Variants in EXOC2 observed in about 807,000 individuals in gnomAD.
The protein encoded by EXOC2 is SEC5-like 1.
A neutral mutation model predicts 131.8 loss-of-function variants in EXOC2; 70 were observed. The observed-to-expected ratio is 0.53, with a 90% CI of 0.44 to 0.65. The LOEUF is 0.65. Ranked by LOEUF, EXOC2 falls within the 30% of genes least tolerant of loss-of-function variation. The pLI, the probability that EXOC2 is intolerant of heterozygous loss-of-function variation, is 0.00. For synonymous variants in EXOC2, 411 were observed against 398.4 expected, an observed-to-expected ratio of 1.03 and a Z score of -0.38; for missense variants, 923 against 1,108.6, an observed-to-expected ratio of 0.83 and a Z score of 2.38.
At chr6:525,814 GGAAA>G (rs559760075) in intron 23 of EXOC2, among the ~76,000 whole-genome samples, 93 of 152,112 alleles carry the variant, frequency 6.1e-4, no homozygotes, top group African/African-American at 2.1e-3. Flanking sequence ...ATAAAAATGA[GGAAA>G]GAATGAATGC....
intron 23 of EXOC2, among the ~76,000 whole-genome samples, chr6:526,368 G>A (rs1765737825): frequency 6.7e-6 from 1 of 148,988 alleles, no homozygotes; most frequent in African/African-American, 2.5e-5. Flanking sequence ...GGCCATATTA[G>A]TTATTTTGTG....
At chr6:638,230 T>C (rs970417667) in intron 1 of EXOC2, among the ~76,000 whole-genome samples, 6 of 152,210 alleles carry the variant, frequency 3.9e-5, no homozygotes, top group Non-Finnish European at 7.3e-5. Flanking sequence ...TTAAAGGAGA[T>C]ATTCTGATTA....
chr6:659,233 T>C (rs1763301959), intron 1 of EXOC2, among the ~76,000 whole-genome samples: 1 of 152,244 alleles, frequency 6.6e-6, no homozygotes, highest in Admixed American at 6.5e-5. Context: ...TTTGCTGTAA[T>C]TTTCAAAACA....
chr6:597,178 CA>C (rs1759864685), intron 10 of EXOC2, among the ~76,000 whole-genome samples: 1 of 151,958 alleles, frequency 6.6e-6, no homozygotes, highest in African/African-American at 2.4e-5. Context: ...AATATCACTG[CA>C]AATTTTTTTT....
intron 22 of EXOC2, among the ~76,000 whole-genome samples, chr6:534,002 G>A (rs779940559): frequency 1.6e-4 from 24 of 152,154 alleles, no homozygotes; most frequent in Non-Finnish European, 2.5e-4. Context: ...CCCTCATGAC[G>A]ATTAAAGTAT....
chr6:541,666 C>G (rs531028085), intron 22 of EXOC2, among the ~76,000 whole-genome samples: 1 of 152,220 alleles, frequency 6.6e-6, no homozygotes, highest in African/African-American at 2.4e-5. Flanking sequence ...AACAATTTTA[C>G]GCCAACAGAT....
At chr6:656,978 G>C in intron 1 of EXOC2, 3 of 1,481,614 alleles carry the variant, frequency 2.0e-6, no homozygotes, top group African/African-American at 1.4e-5. Flanking sequence ...GGGCCTCTGA[G>C]GGGGATTCCG....
At chr6:562,633 A>C (rs1757759464) in intron 17 of EXOC2, 151 bp downstream of exon 17, 1 of 478,600 alleles carries the variant, frequency 2.1e-6, no homozygotes, top group African/African-American at 2.0e-5. Flanking sequence ...GTTCGTGTTA[A>C]GCAAAAATGT....
At chr6:617,347 A>C (rs1218571719) in intron 6 of EXOC2, among the ~76,000 whole-genome samples, 1 of 152,244 alleles carries the variant, frequency 6.6e-6, no homozygotes, top group Non-Finnish European at 1.5e-5. Context: ...TCCTATCATC[A>C]GCCTTTCCAA....
At chr6:630,018 A>C (rs1761765395) in intron 3 of EXOC2, 57 bp from the exon 4 acceptor site, 4 of 1,591,854 alleles carry the variant, frequency 2.5e-6, no homozygotes, top group Non-Finnish European at 3.4e-6. Context: ...GGCACCTTCT[A>C]CGTCTGGCCT....
intron 1 of EXOC2, among the ~76,000 whole-genome samples, chr6:645,804 G>A (rs1331146519): frequency 6.6e-6 from 1 of 152,146 alleles, no homozygotes; most frequent in Non-Finnish European, 1.5e-5. Context: ...ATTTTTCAAT[G>A]AAAGGAACCA....
At chr6:503,164 ACT>A (rs1764327693) in intron 23 of EXOC2, among the ~76,000 whole-genome samples, 1 of 138,166 alleles carries the variant, frequency 7.2e-6, no homozygotes, top group African/African-American at 3.1e-5. Flanking sequence ...AGGAGCAAGT[ACT>A]TTTTTTTTTT....
chr6:556,399 T>C, intron 18 of EXOC2, 85 bp downstream of exon 18: 2 of 1,315,470 alleles, frequency 1.5e-6, no homozygotes. Context: ...GAAAAGATCT[T>C]GCAGTACGAT....
chr6:565,069 C>G (rs951771086), intron 13 of EXOC2, 140 bp from the exon 14 acceptor site: 6 of 599,878 alleles, frequency 1.0e-5, no homozygotes, highest in Non-Finnish European at 1.6e-5. Flanking sequence ...ATCTATGTTT[C>G]TGATTAAAGA....
intron 7 of EXOC2, among the ~76,000 whole-genome samples, chr6:605,680 G>GT (rs1760370831): frequency 6.6e-6 from 1 of 152,098 alleles, no homozygotes; most frequent in Non-Finnish European, 1.5e-5. Flanking sequence ...TTTTTGAAGG[G>GT]TTTTTTGTGT....
chr6:689,855 T>C (rs1190657652), intron 1 of EXOC2, among the ~76,000 whole-genome samples: 2 of 152,170 alleles, frequency 1.3e-5, no homozygotes, highest in Non-Finnish European at 2.9e-5. Context: ...TAGGTGGTTA[T>C]AGGATTCACT....
At chr6:602,441 TGTGCAAATCCACACACATTCTCACACC>T in intron 7 of EXOC2, among the ~76,000 whole-genome samples, 1 of 49,880 alleles carries the variant, frequency 2.0e-5, no homozygotes, top group Admixed American at 2.2e-4. Context: ...GAACACCCCG[TGTGCAAATCCACACACATTCTCACACC>T]AAGAACACCC....
intron 1 of EXOC2, among the ~76,000 whole-genome samples, chr6:660,708 A>G (rs1406765330): frequency 6.6e-6 from 1 of 152,202 alleles, no homozygotes; most frequent in African/African-American, 2.4e-5. Flanking sequence ...AAGGAACCAG[A>G]AAACCAACCC....
chr6:527,005 C>A (rs1461614474), intron 23 of EXOC2, among the ~76,000 whole-genome samples: 3 of 152,124 alleles, frequency 2.0e-5, no homozygotes, highest in Non-Finnish European at 4.4e-5. Context: ...GGTATATATG[C>A]AATAAATGCT....
Sources: gnomAD v4.1 joint callset for allele counts (sites outside exome capture counted in the v4.1 genomes callset) on GRCh38, gnomAD v4.1.1 for gene constraint, MANE v1.5 for transcripts, NCBI Gene and HGNC (gene_info 2026-07-23, HGNC 2026-07-21) for gene names.